PPWD1: variants seen among roughly 807,000 people sequenced by gnomAD.
PPWD1 encodes the protein peptidylprolyl isomerase domain and WD repeat-containing protein 1.
PPWD1 carries 43 observed loss-of-function variants against 68.8 expected under a neutral mutation model. The ratio of observed to expected loss-of-function variants is 0.62; its 90% CI spans 0.49 to 0.81. The LOEUF (loss-of-function observed/expected upper bound fraction) is 0.81, where lower values mean the gene tolerates loss of function less well. Among genes scored for constraint, PPWD1 ranks in the 30% least tolerant of loss-of-function variants. PPWD1 has a pLI of 0.00. For synonymous variants in PPWD1, 232 were observed against 258.7 expected (o/e 0.90, Z 0.99); for missense variants, 672 against 804.8 (o/e 0.83, Z 2.00).
At chr5:65,580,257 T>C (rs758113294) in intron 7 of PPWD1, among the ~76,000 whole-genome samples, 3 of 152,206 alleles carry the variant, frequency 2.0e-5, no homozygotes, top group Non-Finnish European at 4.4e-5. Flanking sequence ...TCAGAGAACT[T>C]TTTAAGACCC....
chr5:65,578,652 C>T (rs969595688), intron 6 of PPWD1, among the ~76,000 whole-genome samples: 10 of 150,364 alleles, frequency 6.7e-5, no homozygotes, highest in Non-Finnish European at 1.3e-4. Flanking sequence ...TGTGAAGGTC[C>T]TTGGGACATT....
At chr5:65,570,736 G>T (rs1752974119) in intron 4 of PPWD1, among the ~76,000 whole-genome samples, 1 of 151,988 alleles carries the variant, frequency 6.6e-6, no homozygotes, top group South Asian at 2.1e-4. Flanking sequence ...CATGGTTGGA[G>T]GAAGAAGGAA....
rs550854022 is a variant in PPWD1, at chr5:65,582,984, T to C, written c.1351-54T>C. ...TAGAAATTCTATTGTTCATAAAATT[T>C]TTACCAGATGAAAACTTTAATTCGT... On this transcript the variant is annotated intron_variant, in intron 7 of 10. Coordinates refer to ENST00000261308, the MANE Select transcript of PPWD1 (RefSeq NM_015342.4). The C allele has an allele frequency of 6.1e-5, 89 of 1,449,872 alleles. 1 individual carries two copies. In the Admixed American group the frequency reaches 1.4e-3, roughly 23 times the overall value. The allele number at this position is 1,449,872 out of a possible 1,614,324, so 89.8% of individuals were successfully genotyped here.
chr5:65,569,729 CT>C lies in PPWD1; in HGVS notation c.398del (p.Leu133ArgfsTer25), dbSNP rs1283543299. 1 of 1,608,548 alleles carries C rather than the reference CT, an allele frequency of 6.2e-7. No individual in the cohort carries two copies. Among genetic ancestry groups the C allele is most frequent in the African/African-American group, 1.3e-5 (1 of 74,716 alleles). Reference sequence around the variant, plus strand: ...ATTTGTTAAACATTTTCGTAGTCACCTGGGTAAGAATTGCACCTCATTTTCT... The same window carrying C: ...ATTTGTTAAACATTTTCGTAGTCACCGGGTAAGAATTGCACCTCATTTTCT... Reference protein sequence around the residue: ...IEFVKHFRSHLGVIESIAVSS... With the variant: ...IEFVKHFRSHXGVIESIAVSS... On this transcript the variant is annotated frameshift_variant and splice_region_variant, in exon 3 of 11. Transcript: ENST00000261308. LOFTEE classifies it high-confidence loss of function.
In PPWD1 at chr5:65,585,095, G is replaced by A. The variant is rs1753773221; in HGVS notation, c.1614G>A (p.Lys538=). The change falls in exon 9 of 11, where the codon AAG becomes AAA. Residue 538 remains lysine, a splice_region_variant and synonymous_variant. Transcript: ENST00000261308. ...YNGHTFHRII[K]GFMIQTGDPT... ...GGCATACATTTCACCGTATAATTAAGGTAAGTTACATAAATTTCATGTCAT... is the reference window on the plus strand; with the variant it reads ...GGCATACATTTCACCGTATAATTAAAGTAAGTTACATAAATTTCATGTCAT... The A allele has an allele frequency of 2.5e-6, 4 of 1,605,782 alleles. No homozygotes were observed. Among genetic ancestry groups the A allele is most frequent in the Non-Finnish European group, 3.4e-6 (4 of 1,173,624 alleles).
intron 5 of PPWD1, 137 bp downstream of exon 5, chr5:65,572,423 A>G (rs1263345856): frequency 8.5e-6 from 8 of 945,716 alleles, no homozygotes; most frequent in Admixed American, 5.9e-5. Context: ...GAGATATTCA[A>G]CTGTTTCTGT....
rs1469091833 is a variant in PPWD1, at chr5:65,585,000, A to G, written c.1533-14A>G. 2 of 1,609,138 alleles carry G rather than the reference A, an allele frequency of 1.2e-6. No homozygotes were observed. The highest frequency in any genetic ancestry group is 3.4e-5 in the Admixed American group (2 of 59,448). ...TCTGAATAGGTTTCATATTTGTAAC[A>G]TATGTCTTAATAGGTGCCCTAAGAC... is the stretch of plus-strand genomic sequence containing the variant. On this transcript the variant is annotated splice_polypyrimidine_tract_variant and intron_variant, in intron 8 of 10. Coordinates refer to ENST00000261308, the MANE Select transcript of PPWD1 (RefSeq NM_015342.4).
chr5:65,563,780 C>T (rs1462837240), intron 1 of PPWD1: 1 of 1,488,214 alleles, frequency 6.7e-7, no homozygotes, highest in Admixed American at 2.0e-5. Context: ...ATGTGTTTGG[C>T]TCCTCTCATT....
At chr5:65,565,803 G>A (rs1182671172) in intron 1 of PPWD1, among the ~76,000 whole-genome samples, 1 of 68,468 alleles carries the variant, frequency 1.5e-5, no homozygotes, top group Admixed American at 1.7e-4. Context: ...GCAAGACTCC[G>A]TCTCAAAAAA....
rs1309154592 is a variant in PPWD1 at position 65,579,546 on chromosome 5, T to C, written c.1283T>C (p.Val428Ala). 6.2e-7 allele frequency: 1 copy of C among 1,609,572 alleles called. No homozygotes were observed. The highest frequency in any genetic ancestry group is 8.5e-7 in the Non-Finnish European group (1 of 1,178,554). The change falls in exon 7 of 11, where the codon GTT becomes GCT. Residue 428 changes from valine to alanine, a missense_variant. Physicochemically the swap from Val to Ala is moderately conservative, Grantham distance 64. Around this residue, in one of 2 missense-constraint regions of PPWD1, gnomAD observed 484 missense variants for 646.2 expected, o/e 0.75. Coordinates refer to ENST00000261308, the MANE Select transcript of PPWD1 (RefSeq NM_015342.4). ...GAAATGAAAGCTTCTGAAAATCCTG[T>C]TCTTCAGAATATTCAAGCTGACCCA... ...TIEMKASENP[V>A]LQNIQADPTI...
intron 1 of PPWD1, 21 bp downstream of exon 1, chr5:65,563,527 G>A (rs2150582882): frequency 6.3e-7 from 1 of 1,594,560 alleles, no homozygotes. Flanking sequence ...ACATAGTACC[G>A]GGACGAATTG....
intron 6 of PPWD1, among the ~76,000 whole-genome samples, chr5:65,578,903 C>T (rs1318482982): frequency 3.3e-5 from 5 of 151,164 alleles, no homozygotes; most frequent in Admixed American, 2.6e-4. Flanking sequence ...TTTTCATTCT[C>T]TTGATTGGTT....
intron 7 of PPWD1, among the ~76,000 whole-genome samples, chr5:65,582,306 G>T (rs767455478): frequency 2.0e-5 from 3 of 152,080 alleles, no homozygotes; most frequent in Non-Finnish European, 4.4e-5. Context: ...TAGACCCCAA[G>T]GATCTGAGAT....
chr5:65,573,599 C>G (rs1289967305), intron 5 of PPWD1, among the ~76,000 whole-genome samples: 2 of 125,162 alleles, frequency 1.6e-5, no homozygotes, highest in Non-Finnish European at 3.1e-5. Context: ...GTCTTGAACT[C>G]CTGGCCTCAA....
chr5:65,576,870 A>C lies in PPWD1; in HGVS notation c.970-9A>C, dbSNP rs17233185. On this transcript the variant is annotated splice_polypyrimidine_tract_variant and intron_variant, in intron 5 of 10. Transcript: ENST00000261308. ...TAGAGTTTTTGTTACTAAATGGTTT[A>C]TTTCCTAGATGTTTACTGAACTGCA... 4 of 1,612,942 alleles carry C rather than the reference A, an allele frequency of 2.5e-6. No homozygotes were observed. In the African/African-American group the frequency reaches 5.3e-5, roughly 22 times the overall value.
Position 65,563,493 on chromosome 5 carries a change from CAAG to C in PPWD1, c.188_190del (p.Lys63del), listed in dbSNP as rs1581138836. 2 of 1,612,300 alleles carry C rather than the reference CAAG, an allele frequency of 1.2e-6. No individual in the cohort carries two copies. Among genetic ancestry groups the C allele is most frequent in the Non-Finnish European group, 1.7e-6 (2 of 1,179,438 alleles). Reference sequence around the variant, plus strand: ...CTTTACCTGTGGAGGCAACACTGGCCAAGAAGAGGAAAGGTAGCTGCAGACATA... The same window carrying C: ...CTTTACCTGTGGAGGCAACACTGGCCAAGAGGAAAGGTAGCTGCAGACATA... On this transcript the variant is annotated inframe_deletion, in exon 1 of 11. Transcript: ENST00000261308.
chr5:65,573,530 TTTTTTTTTTTTTTTTTTTTTTTTA>T (rs1468082644), intron 5 of PPWD1, among the ~76,000 whole-genome samples: 4 of 51,402 alleles, frequency 7.8e-5, no homozygotes, highest in South Asian at 8.2e-4. Flanking sequence ...TTTTTTTTTT[TTTTTTTTTTTTTTTTTTTTTTTTA>T]AGTACAGACG....
At chr5:65,572,434 C>A in intron 5 of PPWD1, 148 bp downstream of exon 5, 2 of 874,376 alleles carry the variant, frequency 2.3e-6, no homozygotes, top group Non-Finnish European at 3.4e-6. Context: ...CTGTTTCTGT[C>A]TTGTAGTGTT....
At chr5:65,575,732 CAAAAG>C (rs777101403) in intron 5 of PPWD1, among the ~76,000 whole-genome samples, 7 of 152,038 alleles carry the variant, frequency 4.6e-5, no homozygotes, top group South Asian at 4.1e-4. Flanking sequence ...TGTGTAATAT[CAAAAG>C]AAAAGTAAAC....
Sources: gnomAD v4.1 joint callset for allele counts (sites outside exome capture counted in the v4.1 genomes callset) on GRCh38, gnomAD v4.1.1 for gene constraint, gnomAD v4.1.1 regional missense constraint, MANE v1.5 for transcripts, NCBI Gene and HGNC (gene_info 2026-07-23, HGNC 2026-07-21) for gene names.